PCDHA2: variants seen among roughly 807,000 people sequenced by gnomAD.
PCDHA2 encodes protocadherin alpha 2.
Under a neutral mutation model 66.0 loss-of-function variants are expected in PCDHA2, and 58 were observed. That is an observed-to-expected ratio of 0.88 (90% CI 0.71 to 1.09). The LOEUF (loss-of-function observed/expected upper bound fraction) is 1.09. Among genes scored for constraint, PCDHA2 ranks in the 50% least tolerant of loss-of-function variants. The pLI is 0.00. For missense variants in PCDHA2, 1,267 were observed against 1,242.3 expected, an observed-to-expected ratio of 1.02 and a Z score of -0.30; for synonymous variants, 634 against 554.0, an observed-to-expected ratio of 1.14 and a Z score of -2.03.
chr5:140,966,541 G>A (rs2096018356), intron 1 of PCDHA2: 2 of 462,844 alleles, frequency 4.3e-6, no homozygotes, highest in Admixed American at 4.3e-5. Context: ...TGAGCGACTC[G>A]GAGGCGAGCG....
intron 1 of PCDHA2, chr5:140,841,201 C>A: frequency 7.7e-7 from 1 of 1,296,960 alleles, no homozygotes; most frequent in South Asian, 1.5e-5. Flanking sequence ...TCTCTGACAG[C>A]ATCTGTCTCT....
At chr5:140,803,646 G>A in intron 1 of PCDHA2, 1 of 1,612,886 alleles carries the variant, frequency 6.2e-7, no homozygotes, top group Non-Finnish European at 8.5e-7. Context: ...ATTCCTCAAT[G>A]TTTCCACTCC....
rs1050286921 is a variant in PCDHA2, at chr5:140,879,863, C to G, written c.2388+82511C>G. Among the ~76,000 whole-genome samples, 24 of 152,218 alleles carry G rather than the reference C, an allele frequency of 1.6e-4. 1 individual carries two copies. Among genetic ancestry groups the G allele is most frequent in the Non-Finnish European group, 5.9e-5 (4 of 68,034 alleles). Reference sequence around the variant, plus strand: ...ACCACTCCCATCTCAGCCTTCTCAGCTTTCATGGTCACATTGCCTCCTCCT... The same window carrying G: ...ACCACTCCCATCTCAGCCTTCTCAGGTTTCATGGTCACATTGCCTCCTCCT... On this transcript the variant is annotated intron_variant, in intron 1 of 3. Coordinates refer to ENST00000526136, the MANE Select transcript of PCDHA2 (RefSeq NM_018905.3).
chr5:140,823,558 G>A, intron 1 of PCDHA2: 2 of 1,613,898 alleles, frequency 1.2e-6, no homozygotes, highest in Non-Finnish European at 1.7e-6. Flanking sequence ...GAAGGTGCGC[G>A]CAGTGGACCC....
chr5:140,821,883 G>A, intron 1 of PCDHA2: 1 of 1,614,238 alleles, frequency 6.2e-7, no homozygotes, highest in Non-Finnish European at 8.5e-7. Flanking sequence ...CGATCCCGGA[G>A]GAAGCCAAAC....
rs2150351247 is a variant in PCDHA2, at chr5:140,843,055, C to T, written c.2388+45703C>T. The stretch of plus-strand genomic sequence containing the variant: ...TGGGTGGCACTGGTGGCGCAGCGAG[C>T]AAGCTGGTGCCGCGGTCTGTGGGCG... On this transcript the variant is annotated intron_variant, in intron 1 of 3. Coordinates refer to ENST00000526136, the MANE Select transcript of PCDHA2 (RefSeq NM_018905.3). 5 of 1,595,064 alleles carry T rather than the reference C, an allele frequency of 3.1e-6. 1 individual carries two copies. Among genetic ancestry groups the T allele is most frequent in the Non-Finnish European group, 4.3e-6 (5 of 1,165,218 alleles).
chr5:140,837,353 A>G (rs1415988517), intron 1 of PCDHA2, among the ~76,000 whole-genome samples: 12 of 152,028 alleles, frequency 7.9e-5, no homozygotes, highest in Non-Finnish European at 5.9e-5. Flanking sequence ...AATAGTTTAA[A>G]TGGCAGTTTA....
chr5:140,829,943 G>C (rs2150178279), intron 1 of PCDHA2: 2 of 1,613,990 alleles, frequency 1.2e-6, no homozygotes, highest in East Asian at 2.2e-5. Flanking sequence ...GGCAAGCAGC[G>C]CTCGCTTCCC....
At position 140,802,792 on chromosome 5, in the gene PCDHA2, A is replaced by G. The variant is rs375690529; in HGVS notation, c.2388+5440A>G. ...GACCACGAGGAGCTAGAGCTGCTGC[A>G]GTTCCAGGTGAGTGCGCGCGATGCG... is the stretch of plus-strand genomic sequence containing the variant. On this transcript the variant is annotated intron_variant, in intron 1 of 3. Coordinates refer to ENST00000526136, the MANE Select transcript of PCDHA2 (RefSeq NM_018905.3). 1 of 1,613,318 alleles carries G rather than the reference A, an allele frequency of 6.2e-7. No homozygotes were observed. The highest frequency in any genetic ancestry group is 1.3e-5 in the African/African-American group (1 of 74,924).
intron 1 of PCDHA2, among the ~76,000 whole-genome samples, chr5:140,918,479 G>T (rs895821639): frequency 1.3e-5 from 2 of 152,092 alleles, no homozygotes; most frequent in Non-Finnish European, 2.9e-5. Flanking sequence ...AGTCTCAAGG[G>T]GAATGCTTTG....
At chr5:140,854,876 C>A (rs1221945079) in intron 1 of PCDHA2, among the ~76,000 whole-genome samples, 1 of 149,610 alleles carries the variant, frequency 6.7e-6, no homozygotes, top group Non-Finnish European at 1.5e-5. Context: ...AGAACTGTGT[C>A]TTTTGGGCAT....
chr5:140,995,674 A>G (rs1205485736), intron 3 of PCDHA2, among the ~76,000 whole-genome samples: 2 of 151,994 alleles, frequency 1.3e-5, no homozygotes, highest in East Asian at 3.9e-4. Flanking sequence ...TAAATGCAGC[A>G]TTTTTTTTAA....
intron 1 of PCDHA2, among the ~76,000 whole-genome samples, chr5:140,949,595 G>A (rs1342869045): frequency 1.3e-5 from 2 of 151,566 alleles, no homozygotes; most frequent in Admixed American, 6.6e-5. Context: ...TATTAATGTG[G>A]CCATTCTAGT....
intron 1 of PCDHA2, among the ~76,000 whole-genome samples, chr5:140,902,233 T>C (rs1402685005): frequency 6.7e-6 from 1 of 149,150 alleles, no homozygotes; most frequent in African/African-American, 2.5e-5. Context: ...AGATGAGGAC[T>C]TGCTTTGTTG....
intron 1 of PCDHA2, chr5:140,929,002 T>C (rs1584608620): frequency 6.2e-7 from 1 of 1,614,048 alleles, no homozygotes; most frequent in Non-Finnish European, 8.5e-7. Flanking sequence ...TTTCTTCGTG[T>C]GTACCAAGTT....
intron 1 of PCDHA2, among the ~76,000 whole-genome samples, chr5:140,879,750 A>G (rs1554170976): frequency 1.3e-5 from 2 of 152,216 alleles, no homozygotes; most frequent in Non-Finnish European, 2.9e-5. Context: ...TGTCAAGGCT[A>G]TACTCTCTTT....
chr5:140,796,903 C>T lies in PCDHA2; in HGVS notation c.1939C>T (p.Leu647=). The T allele has an allele frequency of 6.2e-7, 1 of 1,613,958 alleles. No individual in the cohort carries two copies. Residue 647 remains leucine (L), a synonymous_variant, in exon 1 of 4, where the codon CTA becomes TTA. Coordinates refer to ENST00000526136, the MANE Select transcript of PCDHA2 (RefSeq NM_018905.3). ...LDEADSPRHR[L]LVLVKDHGEP... is the part of the protein sequence containing the mutation. The stretch of plus-strand genomic sequence containing the variant: ...CGAGGCTGACTCCCCTCGACACCGC[C>T]TACTCGTGCTGGTGAAGGACCACGG...
intron 1 of PCDHA2, chr5:140,823,443 C>T (rs2150125860): frequency 3.1e-6 from 5 of 1,613,398 alleles, no homozygotes; most frequent in South Asian, 2.2e-5. Context: ...TCGTGCTGGA[C>T]GAGAACGACA....
intron 1 of PCDHA2, chr5:140,801,653 T>C (rs782567661): frequency 1.2e-6 from 2 of 1,614,190 alleles, no homozygotes; most frequent in Non-Finnish European, 1.7e-6. Context: ...GCTCTCGGTT[T>C]TCGCTAGAGG....
Sources: gnomAD v4.1 joint callset for allele counts (sites outside exome capture counted in the v4.1 genomes callset) on GRCh38, gnomAD v4.1.1 for gene constraint, MANE v1.5 for transcripts, NCBI Gene and HGNC (gene_info 2026-07-23, HGNC 2026-07-21) for gene names.